B4GALT6: variants seen among roughly 807,000 people sequenced by gnomAD.
B4GALT6 encodes the protein UDP-Gal:beta-GlcNAc beta-1,4-galactosyltransferase 6.
In B4GALT6, 14 loss-of-function variants were observed where a neutral mutation model predicts 46.3. The observed-to-expected ratio is 0.30, with a 90% CI of 0.20 to 0.47. B4GALT6 has a LOEUF of 0.47. B4GALT6 is among the 20% of genes least tolerant of loss of function. B4GALT6 has a pLI of 0.99. For synonymous variants in B4GALT6, 168 were observed against 162.0 expected (o/e 1.04, Z -0.28); for missense variants, 386 against 480.1 (o/e 0.80, Z 1.83).
chr18:31,707,627 A>G, the B4GALT6 span, among the ~76,000 whole-genome samples: 1 of 152,210 alleles, frequency 6.6e-6, no homozygotes, highest in Non-Finnish European at 1.5e-5. Context: ...TTATTTAAAT[A>G]GTGTTAATTA....
intron 5 of B4GALT6, among the ~76,000 whole-genome samples, chr18:31,637,736 T>C (rs927714330): frequency 6.6e-6 from 1 of 152,194 alleles, no homozygotes; most frequent in African/African-American, 2.4e-5. Context: ...AAACTTTCCT[T>C]CCTTTTCTGT....
intron 5 of B4GALT6, 42 bp downstream of exon 5, chr18:31,638,602 G>C (rs757300507): frequency 7.1e-7 from 1 of 1,409,168 alleles, no homozygotes; most frequent in Non-Finnish European, 1.0e-6. Context: ...TAAGAGTTTA[G>C]ATTCTAGTAT....
At chr18:31,702,110 G>T in the B4GALT6 span, among the ~76,000 whole-genome samples, 1 of 152,104 alleles carries the variant, frequency 6.6e-6, no homozygotes, top group Non-Finnish European at 1.5e-5. Context: ...AATTAAAATG[G>T]CAATAAGATA....
At chr18:31,654,800 T>C (rs551555089) in intron 3 of B4GALT6, among the ~76,000 whole-genome samples, 2 of 152,350 alleles carry the variant, frequency 1.3e-5, no homozygotes, top group Admixed American at 6.5e-5. Flanking sequence ...AAGAATCATA[T>C]TCAATTATTT....
At chr18:31,680,168 G>C (rs1024513087) in intron 1 of B4GALT6, among the ~76,000 whole-genome samples, 3 of 152,158 alleles carry the variant, frequency 2.0e-5, no homozygotes, top group Non-Finnish European at 4.4e-5. Context: ...GCAGATCAGA[G>C]CACTGGGTGA....
upstream of B4GALT6, among the ~76,000 whole-genome samples, chr18:31,688,428 G>A (rs924853404): frequency 2.6e-5 from 4 of 151,508 alleles, no homozygotes; most frequent in African/African-American, 9.7e-5. Context: ...TTACATTTCA[G>A]AACAAATATG....
chr18:31,723,126 C>A, the B4GALT6 span, among the ~76,000 whole-genome samples: 1 of 152,180 alleles, frequency 6.6e-6, no homozygotes, highest in Non-Finnish European at 1.5e-5. Context: ...ATATAGCATA[C>A]ATATTTCCAC....
the B4GALT6 span, chr18:31,718,903 G>A: frequency 6.6e-6 from 1 of 152,170 alleles, no homozygotes; most frequent in East Asian, 1.9e-4. Context: ...GAATGTGAGG[G>A]TTATCTGGCT....
In B4GALT6 at chr18:31,684,333, T is replaced by G; in HGVS notation, c.94A>C (p.Ile32Leu). Residue 32 changes from isoleucine (I) to leucine (L), a missense_variant, in exon 1 of 9, where the codon ATC (isoleucine) becomes CTC (leucine). Coordinates refer to ENST00000306851, the MANE Select transcript of B4GALT6 (RefSeq NM_004775.5). Reference sequence around the variant, plus strand: ...TTACCGATGCCTGGGGCCACATAGATGAAGTACAGACAGGACGAAGAGAGG... The same window carrying G: ...TTACCGATGCCTGGGGCCACATAGAGGAAGTACAGACAGGACGAAGAGAGG... ...FSLSSSCLYFIYVAPGIANTY... is the reference protein window; with the variant it reads ...FSLSSSCLYFLYVAPGIANTY... 6.2e-7 allele frequency: 1 copy of G among 1,612,678 alleles called. No homozygotes were observed. The highest frequency in any genetic ancestry group is 8.5e-7 in the Non-Finnish European group (1 of 1,179,612).
chr18:31,709,603 G>GTGTATA, the B4GALT6 span, among the ~76,000 whole-genome samples: 32 of 135,516 alleles, frequency 2.4e-4, no homozygotes, highest in East Asian at 6.4e-4. Context: ...GTGTGTGTGT[G>GTGTATA]TATATATATA....
At chr18:31,682,629 A>G (rs558294953) in intron 1 of B4GALT6, among the ~76,000 whole-genome samples, 2 of 152,350 alleles carry the variant, frequency 1.3e-5, no homozygotes, top group East Asian at 3.9e-4. Context: ...AGGGATGACT[A>G]GAATTCTGAT....
intron 6 of B4GALT6, 133 bp from the exon 7 acceptor site, chr18:31,627,254 T>A (rs1424770470): frequency 1.6e-6 from 1 of 641,546 alleles, no homozygotes; most frequent in Non-Finnish European, 2.4e-6. Flanking sequence ...TTAGAAAATG[T>A]AAAGTACACC....
At chr18:31,640,701 G>C (rs1178209416) in intron 4 of B4GALT6, among the ~76,000 whole-genome samples, 1 of 152,172 alleles carries the variant, frequency 6.6e-6, no homozygotes, top group East Asian at 1.9e-4. Flanking sequence ...AGGACCATGA[G>C]GCTACCCCAG....
intron 1 of B4GALT6, among the ~76,000 whole-genome samples, chr18:31,675,229 A>G (rs1343906158): frequency 1.3e-5 from 2 of 152,240 alleles, no homozygotes; most frequent in African/African-American, 2.4e-5. Flanking sequence ...ATACTGATCA[A>G]GGTTAAACAT....
chr18:31,653,803 C>G (rs2074105782), intron 3 of B4GALT6, among the ~76,000 whole-genome samples: 1 of 152,178 alleles, frequency 6.6e-6, no homozygotes, highest in African/African-American at 2.4e-5. Context: ...CAAGCTGCCA[C>G]ACACATGACC....
At chr18:31,724,131 G>C in the B4GALT6 span, 2 of 264,876 alleles carry the variant, frequency 7.6e-6, no homozygotes, top group South Asian at 4.0e-5. Flanking sequence ...ATCTGGACCC[G>C]AGCCTAATAA....
chr18:31,691,116 C>T, the B4GALT6 span, among the ~76,000 whole-genome samples: 1 of 151,968 alleles, frequency 6.6e-6, no homozygotes, highest in Non-Finnish European at 1.5e-5. Context: ...TGTATACCTG[C>T]ATGTTCTACA....
At chr18:31,692,350 G>T in the B4GALT6 span, among the ~76,000 whole-genome samples, 2 of 152,088 alleles carry the variant, frequency 1.3e-5, no homozygotes, top group Non-Finnish European at 2.9e-5. Context: ...CAAGTTGCTC[G>T]CATTCTCTTC....
chr18:31,711,035 C>A, the B4GALT6 span, among the ~76,000 whole-genome samples: 1 of 152,202 alleles, frequency 6.6e-6, no homozygotes, highest in Non-Finnish European at 1.5e-5. Context: ...GCACAGCCTG[C>A]AATCTACAGG....
Sources: gnomAD v4.1 joint callset for allele counts (sites outside exome capture counted in the v4.1 genomes callset) on GRCh38, gnomAD v4.1.1 for gene constraint, MANE v1.5 for transcripts, NCBI Gene and HGNC (gene_info 2026-07-23, HGNC 2026-07-21) for gene names.